The following ARHGEF4 variants were observed in gnomAD, a reference collection of about 807,000 sequenced individuals.
The protein encoded by ARHGEF4 is APC-stimulated guanine nucleotide exchange factor 1.
ARHGEF4 carries 119 observed loss-of-function variants against 162.0 expected under a neutral mutation model. The observed-to-expected ratio is 0.73, with a 90% CI of 0.63 to 0.86. The LOEUF (loss-of-function observed/expected upper bound fraction) is 0.86, where lower values mean the gene tolerates loss of function less well. ARHGEF4 is among the 40% of genes least tolerant of loss of function. The probability of loss-of-function intolerance (pLI) is 0.00; values close to 1 mark genes in which losing one functional copy is unlikely to be tolerated. For synonymous variants in ARHGEF4, 1,014 were observed against 979.9 expected, an observed-to-expected ratio of 1.03 and a Z score of -0.65; for missense variants, 2,488 against 2,456.0, an observed-to-expected ratio of 1.01 and a Z score of -0.28.
chr2:130,884,206 A>G (rs1308983692), intron 1 of ARHGEF4, among the ~76,000 whole-genome samples: 1 of 151,544 alleles, frequency 6.6e-6, no homozygotes, highest in African/African-American at 2.4e-5. Flanking sequence ...AATAGGCAGG[A>G]GAGCATTCAC....
At chr2:130,837,331 C>G (rs1186878610) in intron 1 of ARHGEF4, 1 of 346,002 alleles carries the variant, frequency 2.9e-6, no homozygotes, top group Non-Finnish European at 5.3e-6. Context: ...CTCGGAGCCG[C>G]TGCCTGGACC....
At position 130,915,102 on chromosome 2, in the gene ARHGEF4, C is replaced by T. The variant is rs1248718944; in HGVS notation, c.1156C>T (p.Leu386=). ...QNIPSPAPTQ[L]SGPIPAFQSG... ...CATCCCTTCCCCTGCACCCACCCAG[C>T]TGTCTGGCCCGATTCCTGCTTTTCA... Residue 386 remains leucine, a synonymous_variant, in exon 2 of 14, where the codon CTG becomes TTG. Coordinates refer to ENST00000409359, the MANE Select transcript of ARHGEF4 (RefSeq NM_001367493.1). 2.6e-6 allele frequency: 4 copies of T among 1,550,598 alleles called. No individual in the cohort carries two copies. In the African/African-American group the frequency reaches 5.5e-5, roughly 21 times the overall value.
At position 131,042,040 on chromosome 2, in the gene ARHGEF4, G is replaced by A. The variant is rs1301009763; in HGVS notation, c.5025+96G>A. 1.2e-5 allele frequency: 17 copies of A among 1,477,950 alleles called. No homozygotes were observed. The Middle Eastern group carries it at 6.0e-4, about 52-fold the overall frequency. 91.6% of individuals were successfully genotyped at this position (1,477,950 alleles called of 1,614,324 possible). ...AAAAATCTAGAAGGGAGCTGAAGCAGGGAGCTGCGCTCCTGGGAGCTAGCA... is the reference window on the plus strand; with the variant it reads ...AAAAATCTAGAAGGGAGCTGAAGCAAGGAGCTGCGCTCCTGGGAGCTAGCA... On this transcript the variant is annotated intron_variant, in intron 10 of 13. Transcript: ENST00000409359.
intron 5 of ARHGEF4, among the ~76,000 whole-genome samples, chr2:131,037,709 T>C (rs1690407010): frequency 6.6e-6 from 1 of 152,186 alleles, no homozygotes; most frequent in Admixed American, 6.5e-5. Context: ...GTCAGCCCCA[T>C]GGCGTACAAG....
At chr2:130,887,322 C>A (rs1340517507) in intron 1 of ARHGEF4, among the ~76,000 whole-genome samples, 1 of 151,244 alleles carries the variant, frequency 6.6e-6, no homozygotes, top group African/African-American at 2.4e-5. Flanking sequence ...TAGAACAAGA[C>A]CCTGTCTCCA....
intron 4 of ARHGEF4, among the ~76,000 whole-genome samples, chr2:131,009,722 A>G (rs1688332799): frequency 1.3e-5 from 2 of 152,102 alleles, no homozygotes; most frequent in East Asian, 3.9e-4. Context: ...TTTCTTTGCC[A>G]TTTCCTATTT....
chr2:130,867,936 C>CTTTTTTTTTTTTTT lies in ARHGEF4; in HGVS notation c.39+30947_39+30960dup, dbSNP rs1156618796. 2.7e-4 allele frequency among the ~76,000 whole-genome samples: 32 copies of CTTTTTTTTTTTTTT among 119,844 alleles called. 1 individual carries two copies. The highest frequency in any genetic ancestry group is 3.5e-4 in the Non-Finnish European group (20 of 57,134). 78.6% of individuals were successfully genotyped at this position (119,844 alleles called of 152,430 possible). ...ATGTGTTTTTTTCTTTTTTTTTTTT[C>CTTTTTTTTTTTTTT]TTTTTTTTTTTTTTTTGGAGACAGA... On this transcript the variant is annotated intron_variant, in intron 1 of 13. Coordinates refer to ENST00000409359, the MANE Select transcript of ARHGEF4 (RefSeq NM_001367493.1).
At chr2:130,883,427 A>G (rs1033602452) in intron 1 of ARHGEF4, among the ~76,000 whole-genome samples, 3 of 152,118 alleles carry the variant, frequency 2.0e-5, no homozygotes, top group African/African-American at 7.3e-5. Flanking sequence ...ATAAGCTCAG[A>G]ATTTTTTTCA....
chr2:130,935,371 C>T (rs956852701), intron 3 of ARHGEF4, among the ~76,000 whole-genome samples: 4 of 151,978 alleles, frequency 2.6e-5, no homozygotes, highest in Non-Finnish European at 5.9e-5. Context: ...TTTAATGTGT[C>T]TCTACTTTCA....
intron 4 of ARHGEF4, among the ~76,000 whole-genome samples, chr2:130,989,859 A>T (rs1269958785): frequency 6.6e-6 from 1 of 152,186 alleles, no homozygotes; most frequent in Non-Finnish European, 1.5e-5. Context: ...GAGTTTTCTC[A>T]CCTCTAAAAT....
At chr2:130,963,321 G>C (rs893552045) in intron 4 of ARHGEF4, among the ~76,000 whole-genome samples, 13 of 152,080 alleles carry the variant, frequency 8.5e-5, no homozygotes, top group Admixed American at 5.9e-4. Flanking sequence ...GATGAGGGTC[G>C]TGTCCCGTCT....
intron 1 of ARHGEF4, among the ~76,000 whole-genome samples, chr2:130,866,385 G>GA (rs918515356): frequency 6.6e-6 from 1 of 151,808 alleles, no homozygotes; most frequent in Non-Finnish European, 1.5e-5. Context: ...ACTCCGTCTG[G>GA]AAAAAAAAGA....
chr2:130,838,475 G>A (rs912359591), intron 1 of ARHGEF4, among the ~76,000 whole-genome samples: 2 of 152,242 alleles, frequency 1.3e-5, no homozygotes, highest in Non-Finnish European at 2.9e-5. Context: ...GCGCGGTAGT[G>A]GGCGCCTGTA....
chr2:130,882,288 C>G (rs1679243690), intron 1 of ARHGEF4, among the ~76,000 whole-genome samples: 1 of 152,030 alleles, frequency 6.6e-6, no homozygotes, highest in South Asian at 2.1e-4. Context: ...CTGTTTCCAG[C>G]CCTCAGGCCT....
chr2:131,026,260 G>C (rs767902491), intron 4 of ARHGEF4, among the ~76,000 whole-genome samples: 2 of 152,138 alleles, frequency 1.3e-5, no homozygotes, highest in African/African-American at 4.8e-5. Context: ...CATATCAAAA[G>C]AAAAGTTATA....
chr2:130,967,002 A>T (rs1685051279), intron 4 of ARHGEF4, among the ~76,000 whole-genome samples: 1 of 152,170 alleles, frequency 6.6e-6, no homozygotes, highest in South Asian at 2.1e-4. Context: ...CCAGTAAGGG[A>T]TCGTCAGCAC....
chr2:131,036,063 G>T (rs926983212), intron 5 of ARHGEF4, among the ~76,000 whole-genome samples: 3 of 152,284 alleles, frequency 2.0e-5, no homozygotes, highest in Admixed American at 6.5e-5. Flanking sequence ...GTCAGTCTCC[G>T]CTCCCTGCAG....
Position 130,915,777 on chromosome 2 carries a change from G to T in ARHGEF4, c.1831G>T (p.Ala611Ser). ...AEEGEQGPGG[A>S]GGRQLEPKAG... is the part of the protein sequence containing the mutation. ...GGAGGGTGAACAGGGGCCTGGGGGT[G>T]CCGGGGGCCGGCAGCTGGAGCCCAA... Residue 611 changes from alanine to serine, a missense_variant, in exon 2 of 14, where the codon GCC (alanine) becomes TCC (serine). By Grantham distance (99) the Ala-to-Ser change is moderately conservative. This residue lies in a region of ARHGEF4 where 1,642 missense variants were observed against 1,481.5 expected (regional missense o/e 1.11). Transcript: ENST00000409359. 6.5e-7 allele frequency: 1 copy of T among 1,527,082 alleles called. No individual in the cohort carries two copies. Among genetic ancestry groups the T allele is most frequent in the Non-Finnish European group, 8.8e-7 (1 of 1,135,734 alleles). The allele number at this position is 1,527,082 out of a possible 1,614,324, so 94.6% of individuals were successfully genotyped here. A position where few individuals can be genotyped will look rare whatever the true frequency, so the allele number is the denominator to read the frequency against.
chr2:130,847,918 C>A (rs900596044), intron 1 of ARHGEF4, among the ~76,000 whole-genome samples: 4 of 152,178 alleles, frequency 2.6e-5, no homozygotes, highest in Non-Finnish European at 5.9e-5. Context: ...TAGGTCTGAG[C>A]CTCAGGAGTG....
Sources: allele counts gnomAD v4.1 joint callset (sites outside exome capture counted in the v4.1 genomes callset), GRCh38; gene constraint gnomAD v4.1.1; regional missense constraint gnomAD v4.1.1; transcripts MANE v1.5; gene names NCBI Gene and HGNC (gene_info 2026-07-23, HGNC 2026-07-21).